The following LRFN5 variants were observed in gnomAD, a reference collection of about 807,000 sequenced individuals.
The protein encoded by LRFN5 is leucine rich repeat and fibronectin type III domain containing 5.
In LRFN5, 24 loss-of-function variants were observed where a neutral mutation model predicts 45.6. That is an observed-to-expected ratio of 0.53 (90% CI 0.38 to 0.74). LRFN5 has a LOEUF of 0.74. Among genes scored for constraint, LRFN5 ranks in the 30% least tolerant of loss-of-function variants. The probability of loss-of-function intolerance (pLI) is 0.00; values close to 1 mark genes in which losing one functional copy is unlikely to be tolerated. For synonymous variants in LRFN5, 340 were observed against 313.8 expected (o/e 1.08, Z -0.88); for missense variants, 776 against 861.5 (o/e 0.90, Z 1.24).
At chr14:41,816,901 GAC>G (rs201436329) in intron 2 of LRFN5, among the ~76,000 whole-genome samples, 55 of 150,946 alleles carry the variant, frequency 3.6e-4, no homozygotes, top group Middle Eastern at 3.5e-3. Flanking sequence ...GAATTCCTGT[GAC>G]ACACATGTTA....
At chr14:41,714,516 T>G (rs1883410127) in intron 1 of LRFN5, among the ~76,000 whole-genome samples, 1 of 152,174 alleles carries the variant, frequency 6.6e-6, no homozygotes, top group African/African-American at 2.4e-5. Flanking sequence ...CTGGTAAGGT[T>G]TTATTTACTA....
At chr14:41,691,140 C>A (rs1594619683) in intron 1 of LRFN5, among the ~76,000 whole-genome samples, 1 of 151,924 alleles carries the variant, frequency 6.6e-6, no homozygotes, top group Non-Finnish European at 1.5e-5. Flanking sequence ...TATTTATGCA[C>A]TTTCTTCTGC....
intron 2 of LRFN5, among the ~76,000 whole-genome samples, chr14:41,793,620 C>G (rs1302185017): frequency 6.6e-6 from 1 of 151,862 alleles, no homozygotes; most frequent in Non-Finnish European, 1.5e-5. Flanking sequence ...AAATGTTAAT[C>G]CAAAGAGCAT....
At position 41,774,697 on chromosome 14, in the gene LRFN5, A is replaced by C. The variant is rs1886213975; in HGVS notation, c.-21+7668A>C. Reference sequence around the variant, plus strand: ...TTGATTTTGAAAAGCGTTAACTTAGATGTTAGTTAACTTTGATCATACAGT... The same window carrying C: ...TTGATTTTGAAAAGCGTTAACTTAGCTGTTAGTTAACTTTGATCATACAGT... On this transcript the variant is annotated intron_variant, in intron 2 of 5. Transcript: ENST00000298119. Among the ~76,000 whole-genome samples the C allele has an allele frequency of 2.0e-5, 3 of 152,194 alleles. 1 individual carries two copies. Among genetic ancestry groups the C allele is most frequent in the South Asian group, 4.1e-4 (2 of 4,826 alleles).
chr14:41,895,416 G>C (rs952005754), intron 4 of LRFN5, among the ~76,000 whole-genome samples: 1 of 152,116 alleles, frequency 6.6e-6, no homozygotes, highest in Admixed American at 6.5e-5. Flanking sequence ...TTGAGGTCAG[G>C]AGTTAGAGAC....
intron 2 of LRFN5, among the ~76,000 whole-genome samples, chr14:41,801,543 A>T (rs959215963): frequency 6.6e-6 from 1 of 152,120 alleles, no homozygotes; most frequent in African/African-American, 2.4e-5. Flanking sequence ...TCTAGAGTAA[A>T]GATTTTCAGT....
chr14:41,634,202 G>A (rs970763170), intron 1 of LRFN5, among the ~76,000 whole-genome samples: 1 of 152,042 alleles, frequency 6.6e-6, no homozygotes, highest in African/African-American at 2.4e-5. Flanking sequence ...ATCATAATGA[G>A]CTCCACCACA....
chr14:41,696,726 C>T (rs1056452605), intron 1 of LRFN5, among the ~76,000 whole-genome samples: 3 of 151,924 alleles, frequency 2.0e-5, no homozygotes, highest in Non-Finnish European at 4.4e-5. Flanking sequence ...TCCTTGCCAA[C>T]ACTTGTTATC....
chr14:41,816,806 T>G (rs1196863992), intron 2 of LRFN5, among the ~76,000 whole-genome samples: 1 of 152,062 alleles, frequency 6.6e-6, no homozygotes, highest in Non-Finnish European at 1.5e-5. Flanking sequence ...TGTGATTTGG[T>G]GTCTAAACAT....
intron 1 of LRFN5, among the ~76,000 whole-genome samples, chr14:41,674,931 C>T (rs1446418770): frequency 6.6e-6 from 1 of 151,640 alleles, no homozygotes; most frequent in Non-Finnish European, 1.5e-5. Context: ...GACGGGGTCG[C>T]GGCCGGGTAG....
intron 2 of LRFN5, among the ~76,000 whole-genome samples, chr14:41,812,075 A>C (rs1025620859): frequency 6.6e-6 from 1 of 152,106 alleles, no homozygotes; most frequent in African/African-American, 2.4e-5. Context: ...TGGAATATCT[A>C]CTATCTAGGA....
chr14:41,635,913 A>G (rs1392255496), intron 1 of LRFN5, among the ~76,000 whole-genome samples: 2 of 152,150 alleles, frequency 1.3e-5, no homozygotes, highest in Non-Finnish European at 2.9e-5. Context: ...CTAAATTTGC[A>G]TACTTTACCC....
chr14:41,866,741 C>T (rs1466818482), intron 2 of LRFN5, among the ~76,000 whole-genome samples: 1 of 152,082 alleles, frequency 6.6e-6, no homozygotes, highest in African/African-American at 2.4e-5. Flanking sequence ...AGAAAAATCA[C>T]AGAATTTAAA....
intron 2 of LRFN5, among the ~76,000 whole-genome samples, chr14:41,775,123 C>G (rs1886236239): frequency 1.9e-5 from 2 of 105,746 alleles, no homozygotes; most frequent in South Asian, 6.5e-4. Flanking sequence ...CGGAGTCTCG[C>G]TCTGTCTCCC....
intron 1 of LRFN5, among the ~76,000 whole-genome samples, chr14:41,725,987 A>T (rs1050034177): frequency 6.6e-6 from 1 of 152,132 alleles, no homozygotes; most frequent in Non-Finnish European, 1.5e-5. Flanking sequence ...TAAATTTCTC[A>T]TCAGTTATTT....
chr14:41,736,333 G>C (rs1249392331), intron 1 of LRFN5, among the ~76,000 whole-genome samples: 1 of 152,160 alleles, frequency 6.6e-6, no homozygotes, highest in Non-Finnish European at 1.5e-5. Flanking sequence ...TTGTGGTTTT[G>C]ATTTGCATTT....
intron 5 of LRFN5, among the ~76,000 whole-genome samples, chr14:41,901,199 T>G (rs1891090824): frequency 6.6e-6 from 1 of 152,034 alleles, no homozygotes; most frequent in African/African-American, 2.4e-5. Flanking sequence ...GGGAAAGGAA[T>G]TACGTATAAA....
chr14:41,714,991 A>G (rs553848345), intron 1 of LRFN5, among the ~76,000 whole-genome samples: 9 of 152,320 alleles, frequency 5.9e-5, no homozygotes, highest in Non-Finnish European at 1.2e-4. Flanking sequence ...CAAACTTTGA[A>G]AAAAACATAG....
chr14:41,673,356 C>T (rs1483215307), intron 1 of LRFN5, among the ~76,000 whole-genome samples: 1 of 149,378 alleles, frequency 6.7e-6, no homozygotes, highest in East Asian at 2.0e-4. Context: ...TGACCCCCCA[C>T]CTCCCTCCCG....
Sources: allele counts gnomAD v4.1 joint callset (sites outside exome capture counted in the v4.1 genomes callset), GRCh38; gene constraint gnomAD v4.1.1; transcripts MANE v1.5; gene names NCBI Gene and HGNC (gene_info 2026-07-23, HGNC 2026-07-21).